The following TMEM232 variants were observed in gnomAD, a reference collection of about 807,000 sequenced individuals.
TMEM232 encodes transmembrane protein 232.
In TMEM232, 80 loss-of-function variants were observed where a neutral mutation model predicts 78.8. The observed-to-expected ratio is 1.01, with a 90% confidence interval of 0.85 to 1.22. The LOEUF (loss-of-function observed/expected upper bound fraction) is 1.22. TMEM232 is among the 50% of genes most tolerant of loss of function. TMEM232 has a pLI of 0.00. For synonymous variants in TMEM232, 297 were observed against 254.3 expected (o/e 1.17, Z -1.60); for missense variants, 881 against 742.2 (o/e 1.19, Z -2.17).
intron 4 of TMEM232, among the ~76,000 whole-genome samples, chr5:110,638,693 G>A (rs1786243512): frequency 6.6e-6 from 1 of 152,050 alleles, no homozygotes; most frequent in Non-Finnish European, 1.5e-5. Context: ...CTGCCATGTA[G>A]GAAGTTCAAC....
At chr5:110,408,628 G>C (rs1317938040) in intron 2 of TMEM232, among the ~76,000 whole-genome samples, 1 of 151,466 alleles carries the variant, frequency 6.6e-6, no homozygotes, top group Admixed American at 6.6e-5. Flanking sequence ...AAAACCAAAA[G>C]GTGAAACAAA....
At chr5:110,543,369 A>T (rs955200281) in intron 11 of TMEM232, among the ~76,000 whole-genome samples, 2 of 152,146 alleles carry the variant, frequency 1.3e-5, no homozygotes, top group Non-Finnish European at 2.9e-5. Flanking sequence ...ATAGAAATGT[A>T]GTCTCAAATT....
intron 2 of TMEM232, among the ~76,000 whole-genome samples, chr5:110,650,458 C>A (rs1452580043): frequency 6.6e-6 from 1 of 152,066 alleles, no homozygotes; most frequent in Non-Finnish European, 1.5e-5. Context: ...GAACACTGCT[C>A]CAGCCAGGTG....
chr5:110,504,521 G>A (rs1393986123), intron 12 of TMEM232, among the ~76,000 whole-genome samples: 1 of 152,180 alleles, frequency 6.6e-6, no homozygotes, highest in African/African-American at 2.4e-5. Context: ...TGATTGTAGA[G>A]GCTGCTGATA....
At chr5:110,437,099 A>AT (rs1408110701) in intron 12 of TMEM232, among the ~76,000 whole-genome samples, 1 of 151,870 alleles carries the variant, frequency 6.6e-6, no homozygotes, top group Admixed American at 6.6e-5. Context: ...ATATCTTTTC[A>AT]TTTTTTGTGT....
At chr5:110,502,443 C>G (rs911124527) in intron 12 of TMEM232, among the ~76,000 whole-genome samples, 5 of 152,134 alleles carry the variant, frequency 3.3e-5, no homozygotes, top group Admixed American at 2.6e-4. Context: ...ATTTTCAAGA[C>G]CAGTTTTAAA....
intron 5 of TMEM232, among the ~76,000 whole-genome samples, chr5:110,629,203 A>G (rs941866861): frequency 6.6e-6 from 1 of 152,106 alleles, no homozygotes. Context: ...GAAGGAGGAT[A>G]ATTTAATATT....
chr5:110,633,652 C>T (rs879324273), intron 5 of TMEM232, among the ~76,000 whole-genome samples: 4 of 152,068 alleles, frequency 2.6e-5, no homozygotes, highest in African/African-American at 9.7e-5. Context: ...GTAAAGAAGG[C>T]CCTTGCTTCT....
chr5:110,403,554 G>T (rs2112571996), intron 2 of TMEM232, among the ~76,000 whole-genome samples: 1 of 152,164 alleles, frequency 6.6e-6, no homozygotes, highest in South Asian at 2.1e-4. Context: ...TATATCAGAA[G>T]ATATCTAAAG....
intron 11 of TMEM232, among the ~76,000 whole-genome samples, chr5:110,543,219 C>G (rs561726818): frequency 2.7e-4 from 41 of 152,080 alleles, no homozygotes; most frequent in Non-Finnish European, 1.3e-4. Flanking sequence ...TTACTTCCCT[C>G]TAAGACAGGA....
chr5:110,601,137 G>T (rs1311316707), intron 10 of TMEM232, among the ~76,000 whole-genome samples: 4 of 151,996 alleles, frequency 2.6e-5, no homozygotes, highest in Non-Finnish European at 4.4e-5. Flanking sequence ...CAATAAACTG[G>T]GTATTGATGA....
At chr5:110,412,449 A>G (rs574675682) in intron 2 of TMEM232, among the ~76,000 whole-genome samples, 3 of 152,250 alleles carry the variant, frequency 2.0e-5, no homozygotes, top group Admixed American at 6.5e-5. Context: ...CTCTATTTCA[A>G]TTTCCACCTT....
At chr5:110,646,653 C>G (rs1184513674) in intron 2 of TMEM232, among the ~76,000 whole-genome samples, 1 of 151,670 alleles carries the variant, frequency 6.6e-6, no homozygotes, top group Non-Finnish European at 1.5e-5. Context: ...AATAATTTCT[C>G]CACTATGAAC....
intron 8 of TMEM232, among the ~76,000 whole-genome samples, chr5:110,607,976 C>T (rs1781720627): frequency 6.6e-6 from 1 of 151,844 alleles, no homozygotes; most frequent in South Asian, 2.1e-4. Flanking sequence ...ATCAGCACTG[C>T]ACTACTTGTC....
At chr5:110,420,977 CAA>C (rs10537246) in intron 13 of TMEM232, among the ~76,000 whole-genome samples, 40,845 of 140,298 alleles carry the variant, frequency 0.29, 9,138 homozygotes, top group African/African-American at 0.61. Flanking sequence ...TATTTAAAGA[CAA>C]AAAAAAAAAC....
At chr5:110,567,181 G>A (rs753410452) in intron 11 of TMEM232, among the ~76,000 whole-genome samples, 16 of 151,698 alleles carry the variant, frequency 1.1e-4, no homozygotes, top group Non-Finnish European at 1.9e-4. Flanking sequence ...ATTGGGTGGG[G>A]TCACAGCCAA....
At chr5:110,634,058 G>A (rs1315578935) in intron 5 of TMEM232, among the ~76,000 whole-genome samples, 1 of 151,902 alleles carries the variant, frequency 6.6e-6, no homozygotes, top group African/African-American at 2.4e-5. Flanking sequence ...CCTTCTATTG[G>A]ATAAAACAGA....
At chr5:110,716,938 C>G (rs991423886) in intron 1 of TMEM232, among the ~76,000 whole-genome samples, 2 of 152,056 alleles carry the variant, frequency 1.3e-5, no homozygotes, top group African/African-American at 4.8e-5. Flanking sequence ...TTACAAAAAG[C>G]CAATGCACAC....
chr5:110,673,499 C>T (rs983436604), intron 1 of TMEM232, among the ~76,000 whole-genome samples: 2 of 151,954 alleles, frequency 1.3e-5, no homozygotes, highest in African/African-American at 2.4e-5. Context: ...TTTAGAGGGT[C>T]ACGTAAGGTC....
Sources: allele counts gnomAD v4.1 joint callset (sites outside exome capture counted in the v4.1 genomes callset), GRCh38; gene constraint gnomAD v4.1.1; transcripts MANE v1.5; gene names NCBI Gene and HGNC (gene_info 2026-07-23, HGNC 2026-07-21).